Variants in TSBP1 observed in about 807,000 individuals in gnomAD.
TSBP1 encodes the protein testis expressed basic protein 1.
In TSBP1, 56 loss-of-function variants were observed where a neutral mutation model predicts 68.8. That is an observed-to-expected ratio of 0.81 (90% CI 0.66 to 1.02). The LOEUF (loss-of-function observed/expected upper bound fraction) is 1.02. Among genes scored for constraint, TSBP1 ranks in the 50% least tolerant of loss-of-function variants. TSBP1 has a pLI of 0.00. For synonymous variants in TSBP1, 171 were observed against 208.7 expected (o/e 0.82, Z 1.56); for missense variants, 502 against 641.2 (o/e 0.78, Z 2.34).
At chr6:32,356,733 A>AT (rs1772387505) in intron 6 of TSBP1, 1 of 154,058 alleles carries the variant, frequency 6.5e-6, no homozygotes, top group East Asian at 1.9e-4. Flanking sequence ...GAAAAAAAAA[A>AT]GGGAAAATAT....
intron 20 of TSBP1, among the ~76,000 whole-genome samples, chr6:32,301,029 T>A (rs921300387): frequency 1.3e-5 from 2 of 150,526 alleles, no homozygotes; most frequent in East Asian, 2.0e-4. Flanking sequence ...TTGATACGAA[T>A]TTTTTTTTAA....
intron 6 of TSBP1, among the ~76,000 whole-genome samples, chr6:32,356,573 C>T (rs557415547): frequency 6.6e-6 from 1 of 151,838 alleles, no homozygotes; most frequent in Non-Finnish European, 1.5e-5. Context: ...TACAAAAATT[C>T]TCTGGGCCTG....
intron 16 of TSBP1, chr6:32,324,777 T>C (rs1166552167): frequency 1.9e-5 from 28 of 1,480,206 alleles, no homozygotes; most frequent in Non-Finnish European, 2.4e-5. Context: ...ATATACTTGC[T>C]TGAACATTTT....
intron 6 of TSBP1, among the ~76,000 whole-genome samples, chr6:32,360,624 T>A (rs1271074910): frequency 2.0e-5 from 3 of 152,212 alleles, no homozygotes; most frequent in Non-Finnish European, 4.4e-5. Flanking sequence ...GGAACCACAA[T>A]ACTGTTTTCC....
Position 32,325,421 on chromosome 6 carries a change from G to T in TSBP1, c.515-1807C>A. On this transcript the variant is annotated intron_variant, in intron 16 of 22. Coordinates refer to ENST00000612031, the Ensembl canonical transcript of TSBP1. The surrounding 1 kb of genome is among the most constrained non-coding windows in gnomAD (Gnocchi z 4.4). ...TCACATATGCCACTGTGGAGGAGGTGGATGCAGCCGTGAATGCAAGGCCAC... is the reference window on the plus strand; with the variant it reads ...TCACATATGCCACTGTGGAGGAGGTTGATGCAGCCGTGAATGCAAGGCCAC... 2 of 925,282 alleles carry T rather than the reference G, an allele frequency of 2.2e-6. No homozygotes were observed. The highest frequency in any genetic ancestry group is 4.8e-5 in the East Asian group (2 of 41,742). 57.3% of individuals were successfully genotyped at this position (925,282 alleles called of 1,614,324 possible).
intron 16 of TSBP1, among the ~76,000 whole-genome samples, chr6:32,329,262 TC>T (rs764231503): frequency 1.2e-4 from 19 of 152,134 alleles, no homozygotes; most frequent in Non-Finnish European, 2.2e-4. Context: ...GAAAGGGAAT[TC>T]ATGTATCCAT....
In TSBP1 at chr6:32,315,466, G is replaced by C. The variant is rs760923559; in HGVS notation, c.580+306C>G. Reference sequence around the variant, plus strand: ...ATTGCTAGCCACTTGGGAGGCTCAGGCAGGAGAATTGCTTGGACTCGGCAG... The same window carrying C: ...ATTGCTAGCCACTTGGGAGGCTCAGCCAGGAGAATTGCTTGGACTCGGCAG... On this transcript the variant is annotated intron_variant, in intron 19 of 22. Coordinates refer to ENST00000612031, the Ensembl canonical transcript of TSBP1. This position sits in a 1 kb window ranked among gnomAD's most constrained non-coding sequence, Gnocchi z 5.4. Among the ~76,000 whole-genome samples the C allele has an allele frequency of 3.4e-4, 52 of 152,156 alleles. No individual in the cohort carries two copies. The highest frequency in any genetic ancestry group is 5.6e-4 in the Non-Finnish European group (38 of 68,028).
chr6:32,320,429 G>T (rs1767491066), intron 18 of TSBP1, among the ~76,000 whole-genome samples: 1 of 151,888 alleles, frequency 6.6e-6, no homozygotes, highest in Non-Finnish European at 1.5e-5. Context: ...TACTCAGAGG[G>T]GCCTAATTTC....
rs1014850728 is a variant in TSBP1 at position 32,339,660 on chromosome 6, G to A, written c.350-22C>T. ...CTACCTATAATAAAAATTGAAAAGT[G>A]TAACATTATTTAGATTTAGACTTTC... On this transcript the variant is annotated intron_variant, in intron 9 of 22. Coordinates refer to ENST00000612031, the Ensembl canonical transcript of TSBP1. 4 of 1,045,884 alleles carry A rather than the reference G, an allele frequency of 3.8e-6. No homozygotes were observed. In the African/African-American group the frequency reaches 6.1e-5, roughly 16 times the overall value. The allele number at this position is 1,045,884 out of a possible 1,614,324, so 64.8% of individuals were successfully genotyped here. A position where few individuals can be genotyped will look rare whatever the true frequency, so the allele number is the denominator to read the frequency against.
intron 9 of TSBP1, chr6:32,349,490 C>T: frequency 1.4e-5 from 6 of 427,688 alleles, no homozygotes; most frequent in Non-Finnish European, 2.5e-5. Flanking sequence ...CCTTTATTTA[C>T]TCTGTTTTTC....
In TSBP1 at chr6:32,357,698, G is replaced by T. The variant is rs1772502956; in HGVS notation, c.218-2029C>A. 6.6e-6 allele frequency among the ~76,000 whole-genome samples: 1 copy of T among 152,114 alleles called. No homozygotes were observed. The highest frequency in any genetic ancestry group is 1.5e-5 in the Non-Finnish European group (1 of 68,020). The stretch of plus-strand genomic sequence containing the variant: ...GTATAATTTGAAAGCATCAGAGATG[G>T]GATTTGATGGTGGATTGGATGAAGA... On this transcript the variant is annotated intron_variant, in intron 6 of 22. Transcript: ENST00000612031. This position sits in a 1 kb window ranked among gnomAD's most constrained non-coding sequence, Gnocchi z 4.7.
At chr6:32,293,698 T>C in exon 23 of TSBP1, 1 of 1,612,890 alleles carries the variant, frequency 6.2e-7, no homozygotes, top group Non-Finnish European at 8.5e-7. Flanking sequence ...CTGACACACT[T>C]TTCTTTATTT....
intron 22 of TSBP1, among the ~76,000 whole-genome samples, chr6:32,294,755 ACT>A (rs1366985490): frequency 1.3e-5 from 2 of 152,126 alleles, no homozygotes; most frequent in Non-Finnish European, 2.9e-5. Context: ...ATATCTGCAA[ACT>A]CTGCAAAAAT....
chr6:32,323,626 A>G lies in TSBP1; in HGVS notation c.515-12T>C. ...TGAAGGTGGACCAGCTGAAAAACAG[A>G]GAGGTATCTTAGCAACTGTTTTTTC... On this transcript the variant is annotated splice_polypyrimidine_tract_variant and intron_variant, in intron 16 of 22. Coordinates refer to ENST00000612031, the Ensembl canonical transcript of TSBP1. 1.2e-6 allele frequency: 2 copies of G among 1,611,938 alleles called. No individual in the cohort carries two copies. Among genetic ancestry groups the G allele is most frequent in the Non-Finnish European group, 1.7e-6 (2 of 1,179,138 alleles).
chr6:32,367,693 G>A (rs1044066406), intron 4 of TSBP1, among the ~76,000 whole-genome samples: 2 of 152,166 alleles, frequency 1.3e-5, no homozygotes, highest in Admixed American at 6.5e-5. Context: ...CTTGGAAGTA[G>A]ACAGAAGATG....
In TSBP1 at chr6:32,338,312, C is replaced by T. The variant is rs141935886; in HGVS notation, c.409+667G>A. On this transcript the variant is annotated intron_variant, in intron 11 of 22. Coordinates refer to ENST00000612031, the Ensembl canonical transcript of TSBP1. The surrounding 1 kb of genome is among the most constrained non-coding windows in gnomAD (Gnocchi z 5.5). ...CTGCATATCTAAAACTCCAGGGTGA[C>T]GTTGATGCAGGCCCTTGGACCCACT... is the stretch of plus-strand genomic sequence containing the variant. Among the ~76,000 whole-genome samples the T allele has an allele frequency of 0.014, 2,077 of 152,222 alleles. 34 individuals carry two copies. The highest frequency in any genetic ancestry group is 0.031 in the Admixed American group (473 of 15,288).
At chr6:32,320,409 C>T (rs1357937209) in intron 18 of TSBP1, among the ~76,000 whole-genome samples, 1 of 152,052 alleles carries the variant, frequency 6.6e-6, no homozygotes, top group African/African-American at 2.4e-5. Context: ...ATATTTTCTG[C>T]TACTGGCTTT....
In TSBP1 at chr6:32,306,062, A is replaced by G. The variant is rs1357409815; in HGVS notation, c.581-3433T>C. Among the ~76,000 whole-genome samples the G allele has an allele frequency of 2.6e-5, 4 of 152,222 alleles. No individual in the cohort carries two copies. Among genetic ancestry groups the G allele is most frequent in the African/African-American group, 9.6e-5 (4 of 41,460 alleles). On this transcript the variant is annotated intron_variant, in intron 19 of 22. Coordinates refer to ENST00000612031, the Ensembl canonical transcript of TSBP1. This position sits in a 1 kb window ranked among gnomAD's most constrained non-coding sequence, Gnocchi z 5.1. ...GCAAGGGTCATAACACATTTGTATG[A>G]CAGTGAAACAGCAAAATAACTAACA... is the stretch of plus-strand genomic sequence containing the variant.
chr6:32,337,189 CT>C lies in TSBP1; in HGVS notation c.410-555del, dbSNP rs1209246233. Among the ~76,000 whole-genome samples, 1 of 152,168 alleles carries C rather than the reference CT, an allele frequency of 6.6e-6. No individual in the cohort carries two copies. ...AATACTGTTTGCATTTAAATTCTTC[CT>C]GGGAAAACATCACAAATGTAGACAC... is the stretch of plus-strand genomic sequence containing the variant. On this transcript the variant is annotated intron_variant, in intron 11 of 22. Coordinates refer to ENST00000612031, the Ensembl canonical transcript of TSBP1. The surrounding 1 kb of genome is among the most constrained non-coding windows in gnomAD (Gnocchi z 5.5).
Sources: allele counts gnomAD v4.1 joint callset (sites outside exome capture counted in the v4.1 genomes callset), GRCh38; gene constraint gnomAD v4.1.1; non-coding constraint Gnocchi (gnomAD v3.1); transcripts MANE v1.5; gene names NCBI Gene and HGNC (gene_info 2026-07-23, HGNC 2026-07-21).